NAPB: variants seen among roughly 807,000 people sequenced by gnomAD.
The protein encoded by NAPB is NSF attachment protein beta.
In NAPB, 26 loss-of-function variants were observed where a neutral mutation model predicts 44.7. The observed-to-expected ratio is 0.58, with a 90% CI of 0.43 to 0.81. NAPB has a LOEUF of 0.81. Among genes scored for constraint, NAPB ranks in the 30% least tolerant of loss-of-function variants. The pLI is 0.00. For missense variants in NAPB, 315 were observed against 356.4 expected (o/e 0.88, Z 0.94); for synonymous variants, 120 against 116.8 (o/e 1.03, Z -0.18).
Position 23,403,001 on chromosome 20 carries a change from T to C in NAPB, c.170A>G (p.Asn57Ser). The C allele has an allele frequency of 6.2e-7, 1 of 1,613,406 alleles. No homozygotes were observed. The highest frequency in any genetic ancestry group is 8.5e-7 in the Non-Finnish European group (1 of 1,179,588). ...RAANMFKMAK[N>S]WSAAGNAFCQ... ...AAAAACTTTGTACATACCACTCCAATTTTTAGCCATCTTGAACATATTTGC... is the reference window on the plus strand; with the variant it reads ...AAAAACTTTGTACATACCACTCCAACTTTTAGCCATCTTGAACATATTTGC... Residue 57 changes from asparagine to serine, a missense_variant, in exon 2 of 11, where the codon AAT becomes AGT. By Grantham distance (46) the Asn-to-Ser change is conservative. Coordinates refer to ENST00000377026, the MANE Select transcript of NAPB (RefSeq NM_022080.3).
intron 1 of NAPB, among the ~76,000 whole-genome samples, chr20:23,411,556 T>G (rs1985656616): frequency 6.6e-6 from 1 of 152,032 alleles, no homozygotes; most frequent in Non-Finnish European, 1.5e-5. Context: ...TATGTTGTAT[T>G]GTAGATCTAA....
chr20:23,395,033 A>AT (rs762286812), intron 4 of NAPB, 34 bp from the exon 5 acceptor site: 245 of 1,613,378 alleles, frequency 1.5e-4, no homozygotes, highest in Non-Finnish European at 1.7e-4. Flanking sequence ...TCACACACCG[A>AT]TTTTACCTAT....
chr20:23,421,382 C>T lies in NAPB; in HGVS notation c.21G>A (p.Glu7=). Residue 7 remains glutamate, a synonymous_variant, in exon 1 of 11, where the codon GAG becomes GAA. Coordinates refer to ENST00000377026, the MANE Select transcript of NAPB (RefSeq NM_022080.3). ...CCGCCATCAGCTGTACTGCCTCACGCTCCTTCCCCGCGTTGTCCATGTCGC... is the reference window on the plus strand; with the variant it reads ...CCGCCATCAGCTGTACTGCCTCACGTTCCTTCCCCGCGTTGTCCATGTCGC... The part of the protein sequence containing the change: MDNAGK[E]REAVQLMAEA... 3 of 1,549,552 alleles carry T rather than the reference C, an allele frequency of 1.9e-6. No individual in the cohort carries two copies. The highest frequency in any genetic ancestry group is 1.7e-6 in the Non-Finnish European group (2 of 1,147,038).
chr20:23,381,799 A>G (rs1257375450), intron 7 of NAPB, among the ~76,000 whole-genome samples: 1 of 152,314 alleles, frequency 6.6e-6, no homozygotes, highest in Admixed American at 6.5e-5. Flanking sequence ...GCAGCCCAGC[A>G]AGAGAGAAAA....
chr20:23,386,075 A>G (rs1271935551), intron 7 of NAPB, among the ~76,000 whole-genome samples: 3 of 152,208 alleles, frequency 2.0e-5, no homozygotes, highest in Non-Finnish European at 2.9e-5. Flanking sequence ...TAAATAATCC[A>G]TGGGTCACTG....
At chr20:23,386,902 G>A (rs372224450) in intron 7 of NAPB, among the ~76,000 whole-genome samples, 17 of 152,158 alleles carry the variant, frequency 1.1e-4, no homozygotes, top group South Asian at 1.0e-3. Flanking sequence ...TAAACTTGAG[G>A]GTGTTCTTGG....
chr20:23,402,388 C>T (rs912032409), intron 2 of NAPB, among the ~76,000 whole-genome samples: 2 of 152,130 alleles, frequency 1.3e-5, no homozygotes, highest in African/African-American at 4.8e-5. Flanking sequence ...CCATCTCAGA[C>T]CAATGAAAAT....
At chr20:23,417,536 T>C (rs572215442) in intron 1 of NAPB, among the ~76,000 whole-genome samples, 4 of 152,340 alleles carry the variant, frequency 2.6e-5, no homozygotes, top group Non-Finnish European at 5.9e-5. Context: ...TTTAAAATCA[T>C]ACCAGTAGTT....
Position 23,395,175 on chromosome 20 carries a change from G to C in NAPB, c.306C>G (p.Asn102Lys), listed in dbSNP as rs760671679. The change falls in exon 4 of 11, where the codon AAC becomes AAG. Residue 102 changes from asparagine (N) to lysine (K), a missense_variant. Transcript: ENST00000377026. Reference protein sequence around the residue: ...YKKADPQEAINCLNAAIDIYT... With the variant: ...YKKADPQEAIKCLNAAIDIYT... Reference sequence around the variant, plus strand: ...AAATGTCGATGGCTGCATTTAAGCAGTTGATAGCCTCTGAAGCGTAGGCAT... The same window carrying C: ...AAATGTCGATGGCTGCATTTAAGCACTTGATAGCCTCTGAAGCGTAGGCAT... The C allele has an allele frequency of 1.3e-5, 21 of 1,614,034 alleles. No individual in the cohort carries two copies. In the Middle Eastern group the frequency reaches 4.9e-4, roughly 38 times the overall value.
At chr20:23,414,712 T>C (rs1985885040) in intron 1 of NAPB, among the ~76,000 whole-genome samples, 1 of 151,932 alleles carries the variant, frequency 6.6e-6, no homozygotes, top group Non-Finnish European at 1.5e-5. Flanking sequence ...TATTAGTCAC[T>C]GAAAATTCTT....
At chr20:23,379,751 G>A (rs1982847615) in intron 9 of NAPB, 116 bp downstream of exon 9, 1 of 765,466 alleles carries the variant, frequency 1.3e-6, no homozygotes, top group Non-Finnish European at 2.2e-6. Context: ...AAAGTACCAG[G>A]GCCCCTCAGT....
Position 23,379,474 on chromosome 20 carries a change from C to T in NAPB, c.757G>A (p.Glu253Lys). 6.2e-7 allele frequency: 1 copy of T among 1,609,642 alleles called. No homozygotes were observed. The highest frequency in any genetic ancestry group is 8.5e-7 in the Non-Finnish European group (1 of 1,178,706). ...LLKKLLEAHE[E>K]QNSEAYTEAV... is the part of the protein sequence containing the mutation. ...TCAGTGTAAGCTTCACTGTTCTGTT[C>T]TTCATGAGCTTCTAGGAGTTTCTGG... Residue 253 changes from glutamate (E) to lysine (K), a missense_variant, in exon 10 of 11, where the codon GAA becomes AAA. Physicochemically the swap from Glu to Lys is moderately conservative, Grantham distance 56. This residue lies in a region of NAPB where 120 missense variants were observed against 130.5 expected (regional missense o/e 0.92). Transcript: ENST00000377026.
At chr20:23,411,788 G>C (rs1483850843) in intron 1 of NAPB, among the ~76,000 whole-genome samples, 3 of 151,984 alleles carry the variant, frequency 2.0e-5, no homozygotes, top group African/African-American at 7.2e-5. Flanking sequence ...ATAGCATAAA[G>C]GTAACCAGTA....
intron 1 of NAPB, 37 bp downstream of exon 1, chr20:23,421,267 AC>A (rs200080949): frequency 0.21 from 295,977 of 1,392,112 alleles, 8,249 homozygotes; most frequent in Admixed American, 0.25. Flanking sequence ...AAGTACGGAG[AC>A]CCCCCCCCCC....
chr20:23,407,142 G>C (rs1358168984), intron 1 of NAPB, among the ~76,000 whole-genome samples: 1 of 152,188 alleles, frequency 6.6e-6, no homozygotes, highest in African/African-American at 2.4e-5. Flanking sequence ...AGAATTGCCA[G>C]AGGTAGCCTC....
At chr20:23,383,941 T>C (rs779332157) in intron 7 of NAPB, among the ~76,000 whole-genome samples, 13 of 152,186 alleles carry the variant, frequency 8.5e-5, no homozygotes, top group Non-Finnish European at 1.8e-4. Flanking sequence ...GATTTCTATA[T>C]TTCACCAGAA....
At chr20:23,416,116 T>C (rs555493742) in intron 1 of NAPB, among the ~76,000 whole-genome samples, 8 of 152,186 alleles carry the variant, frequency 5.3e-5, no homozygotes, top group Non-Finnish European at 1.0e-4. Context: ...CACCAATATT[T>C]ACCACGTGCC....
At chr20:23,421,116 G>A (rs1163953032) in intron 1 of NAPB, among the ~76,000 whole-genome samples, 189 bp downstream of exon 1, 2 of 151,564 alleles carry the variant, frequency 1.3e-5, no homozygotes, top group African/African-American at 4.8e-5. Context: ...GCCCCTGGGC[G>A]TCCTGGGGGC....
At chr20:23,411,620 G>A (rs1323122744) in intron 1 of NAPB, among the ~76,000 whole-genome samples, 2 of 144,936 alleles carry the variant, frequency 1.4e-5, no homozygotes, top group Non-Finnish European at 3.0e-5. Flanking sequence ...TTCTATGTCT[G>A]ACAAAGTACA....
Sources: allele counts gnomAD v4.1 joint callset (sites outside exome capture counted in the v4.1 genomes callset), GRCh38; gene constraint gnomAD v4.1.1; regional missense constraint gnomAD v4.1.1; transcripts MANE v1.5; gene names NCBI Gene and HGNC (gene_info 2026-07-23, HGNC 2026-07-21).